CHN2: variants seen among roughly 807,000 people sequenced by gnomAD.
The protein encoded by CHN2 is chimerin 2.
In CHN2, 35 loss-of-function variants were observed where a neutral mutation model predicts 56.3. The ratio of observed to expected loss-of-function variants is 0.62; its 90% CI spans 0.47 to 0.82. The LOEUF (loss-of-function observed/expected upper bound fraction) is 0.82. CHN2 is among the 40% of genes least tolerant of loss of function. The pLI, the probability that CHN2 is intolerant of heterozygous loss-of-function variation, is 0.00. For synonymous variants in CHN2, 210 were observed against 212.8 expected, an observed-to-expected ratio of 0.99 and a Z score of 0.12; for missense variants, 491 against 580.5, an observed-to-expected ratio of 0.85 and a Z score of 1.58.
At chr7:29,417,811 A>T (rs1803928635) in intron 6 of CHN2, among the ~76,000 whole-genome samples, 1 of 152,194 alleles carries the variant, frequency 6.6e-6, no homozygotes, top group South Asian at 2.1e-4. Flanking sequence ...AAATTAAGGC[A>T]AAAATACTAG....
chr7:29,452,398 C>T (rs918196797), intron 6 of CHN2, among the ~76,000 whole-genome samples: 7 of 152,280 alleles, frequency 4.6e-5, no homozygotes, highest in Admixed American at 2.0e-4. Context: ...GAGCCGGCAC[C>T]TGAGAGGGAG....
intron 3 of CHN2, among the ~76,000 whole-genome samples, chr7:29,370,837 G>A (rs1585184083): frequency 6.6e-6 from 1 of 152,202 alleles, no homozygotes; most frequent in East Asian, 1.9e-4. Context: ...AGCTGGGTGA[G>A]TCAAGGGTAC....
In CHN2 at chr7:29,507,340, C is replaced by G; in HGVS notation, c.1104C>G (p.Thr368=). 1.2e-6 allele frequency: 2 copies of G among 1,608,076 alleles called. No homozygotes were observed. Among genetic ancestry groups the G allele is most frequent in the East Asian group, 2.2e-5 (1 of 44,792 alleles). The change falls in exon 11 of 13, where the codon ACC becomes ACG. Residue 368 remains threonine, a synonymous_variant. Transcript: ENST00000222792. ...DLPIPVITYD[T]YSKFIDAAKI... ...CCATCCCTGTCATCACATATGATAC[C>G]TATTCCAAATTTATAGATGCAGCAA...
chr7:29,465,144 C>T (rs1048430088), intron 6 of CHN2, among the ~76,000 whole-genome samples: 3 of 152,178 alleles, frequency 2.0e-5, no homozygotes, highest in African/African-American at 7.2e-5. Context: ...GTTTATTCTG[C>T]CAAGTGCCTC....
intron 9 of CHN2, among the ~76,000 whole-genome samples, chr7:29,500,703 A>G (rs148269067): frequency 6.6e-5 from 10 of 152,334 alleles, no homozygotes; most frequent in Non-Finnish European, 1.0e-4. Context: ...AGCTTTGAAA[A>G]AAAAGGTGCT....
At chr7:29,510,150 C>T (rs554763750) in intron 12 of CHN2, among the ~76,000 whole-genome samples, 13 of 152,268 alleles carry the variant, frequency 8.5e-5, no homozygotes, top group Non-Finnish European at 1.9e-4. Context: ...TGTGAGTTCT[C>T]TCTCATTGAG....
exon 2 of CHN2, chr7:29,146,941 A>G (rs781651510): frequency 1.7e-5 from 26 of 1,551,048 alleles, no homozygotes; most frequent in African/African-American, 2.7e-5. Flanking sequence ...CTGATGGTCT[A>G]CATTCCAGCT....
intron 1 of CHN2, among the ~76,000 whole-genome samples, chr7:29,224,099 G>A (rs1196488726): frequency 1.3e-5 from 2 of 152,142 alleles, no homozygotes; most frequent in Non-Finnish European, 2.9e-5. Flanking sequence ...TGAACATGGC[G>A]GGAAGGACTG....
At chr7:29,313,577 A>G (rs988449030) in intron 1 of CHN2, among the ~76,000 whole-genome samples, 11 of 152,204 alleles carry the variant, frequency 7.2e-5, no homozygotes, top group African/African-American at 2.7e-4. Flanking sequence ...CTAGGAAAGC[A>G]TCTCATTTAG....
intron 6 of CHN2, among the ~76,000 whole-genome samples, chr7:29,462,290 C>T (rs1277949393): frequency 6.6e-6 from 1 of 152,188 alleles, no homozygotes; most frequent in Non-Finnish European, 1.5e-5. Flanking sequence ...TCACCAAAAC[C>T]TGCTTTGGAC....
At chr7:29,375,383 A>C (rs1305937648) in intron 3 of CHN2, among the ~76,000 whole-genome samples, 2 of 150,028 alleles carry the variant, frequency 1.3e-5, no homozygotes, top group Non-Finnish European at 3.0e-5. Context: ...TTTAGTAGAG[A>C]CAGGGTTTCA....
Position 29,507,379 on chromosome 7 carries a change from A to G in CHN2, c.1129+14A>G. On this transcript the variant is annotated intron_variant, in intron 11 of 12. Coordinates refer to ENST00000222792, the MANE Select transcript of CHN2 (RefSeq NM_004067.4). ...TAGATGCAGCAAGTAAGTACTTCAAATTAATTTTTTATTTCTACCAAATTT... is the reference window on the plus strand; with the variant it reads ...TAGATGCAGCAAGTAAGTACTTCAAGTTAATTTTTTATTTCTACCAAATTT... 2 of 1,584,672 alleles carry G rather than the reference A, an allele frequency of 1.3e-6. No individual in the cohort carries two copies. Among genetic ancestry groups the G allele is most frequent in the South Asian group, 1.2e-5 (1 of 86,634 alleles).
chr7:29,170,546 C>A (rs775534032), intron 2 of CHN2, among the ~76,000 whole-genome samples: 5 of 152,146 alleles, frequency 3.3e-5, no homozygotes, highest in Non-Finnish European at 5.9e-5. Context: ...GGGTTTTGTA[C>A]ATTCACTGAA....
At chr7:29,219,638 A>G (rs1398027762) in intron 1 of CHN2, among the ~76,000 whole-genome samples, 1 of 152,326 alleles carries the variant, frequency 6.6e-6, no homozygotes, top group Non-Finnish European at 1.5e-5. Context: ...TATACTATGT[A>G]GACTGAGAAA....
At chr7:29,456,294 A>G (rs1217438367) in intron 6 of CHN2, among the ~76,000 whole-genome samples, 4 of 152,082 alleles carry the variant, frequency 2.6e-5, no homozygotes, top group South Asian at 4.1e-4. Flanking sequence ...TTTTGTGATT[A>G]TTTGTTCAGA....
chr7:29,418,159 T>A (rs910599667), intron 6 of CHN2, among the ~76,000 whole-genome samples: 14 of 152,226 alleles, frequency 9.2e-5, no homozygotes, highest in South Asian at 8.3e-4. Flanking sequence ...AGGCAGACAG[T>A]TTGTCCTTTC....
At chr7:29,488,301 G>A (rs1478326939) in intron 7 of CHN2, among the ~76,000 whole-genome samples, 1 of 152,182 alleles carries the variant, frequency 6.6e-6, no homozygotes, top group East Asian at 1.9e-4. Context: ...TTTTTCATAT[G>A]AGATGAATGT....
chr7:29,213,787 G>A (rs1785138173), intron 1 of CHN2, among the ~76,000 whole-genome samples: 1 of 151,982 alleles, frequency 6.6e-6, no homozygotes, highest in African/African-American at 2.4e-5. Flanking sequence ...TACTCCTTTA[G>A]TTGGTTTAAG....
intron 1 of CHN2, among the ~76,000 whole-genome samples, chr7:29,304,390 T>C (rs1167273550): frequency 6.6e-6 from 1 of 152,146 alleles, no homozygotes; most frequent in African/African-American, 2.4e-5. Context: ...TCAGAGAGGC[T>C]TAGCCAAATT....
Sources: gnomAD v4.1 joint callset for allele counts (sites outside exome capture counted in the v4.1 genomes callset) on GRCh38, gnomAD v4.1.1 for gene constraint, MANE v1.5 for transcripts, NCBI Gene and HGNC (gene_info 2026-07-23, HGNC 2026-07-21) for gene names.